Variants in PTPRD observed in about 807,000 individuals in gnomAD.
The protein encoded by PTPRD is receptor-type tyrosine-protein phosphatase delta.
PTPRD carries 34 observed loss-of-function variants against 214.5 expected under a neutral mutation model. The ratio of observed to expected loss-of-function variants is 0.16; its 90% confidence interval spans 0.12 to 0.21. The LOEUF (loss-of-function observed/expected upper bound fraction) is 0.21. Among genes scored for constraint, PTPRD ranks in the 10% least tolerant of loss-of-function variants. PTPRD has a pLI of 1.00. For synonymous variants in PTPRD, 1,128 were observed against 845.7 expected (o/e 1.33, Z -5.79); for missense variants, 2,545 against 2,398.7 (o/e 1.06, Z -1.27).
intron 23 of PTPRD, among the ~76,000 whole-genome samples, chr9:8,502,987 A>G (rs1053627429): frequency 2.6e-5 from 4 of 151,984 alleles, no homozygotes; most frequent in Non-Finnish European, 4.4e-5. Context: ...AATACTATTT[A>G]TTAGCCTGCC....
intron 3 of PTPRD, among the ~76,000 whole-genome samples, chr9:10,068,473 C>T (rs1436233338): frequency 1.3e-5 from 2 of 151,926 alleles, no homozygotes; most frequent in Non-Finnish European, 2.9e-5. Context: ...CTACACATTC[C>T]ATGCCCTTTC....
At chr9:9,024,540 C>A (rs916220086) in intron 10 of PTPRD, among the ~76,000 whole-genome samples, 4 of 151,616 alleles carry the variant, frequency 2.6e-5, no homozygotes, top group African/African-American at 9.7e-5. Context: ...ATCACTCCTA[C>A]AAGCAAGATA....
At chr9:9,492,455 C>T (rs113048885) in intron 8 of PTPRD, among the ~76,000 whole-genome samples, 2,401 of 152,002 alleles carry the variant, frequency 0.016, 69 homozygotes, top group African/African-American at 0.054. Flanking sequence ...TTATGTACCA[C>T]GACCAAAAAC....
At chr9:10,331,196 T>C (rs542248858) in intron 3 of PTPRD, among the ~76,000 whole-genome samples, 44 of 151,878 alleles carry the variant, frequency 2.9e-4, no homozygotes, top group Admixed American at 3.3e-4. Flanking sequence ...TCTCACCAAA[T>C]ACTGCCTAAC....
chr9:9,009,653 TA>T (rs2099499716), intron 11 of PTPRD, among the ~76,000 whole-genome samples: 2 of 152,156 alleles, frequency 1.3e-5, no homozygotes, highest in South Asian at 4.1e-4. Flanking sequence ...GTGTTAGAGT[TA>T]ATATAATTTA....
chr9:9,478,247 T>C (rs553150149), intron 8 of PTPRD, among the ~76,000 whole-genome samples: 2 of 152,164 alleles, frequency 1.3e-5, no homozygotes, highest in Admixed American at 1.3e-4. Context: ...ATTAACTGCA[T>C]GGGTATCAAA....
intron 4 of PTPRD, among the ~76,000 whole-genome samples, chr9:10,010,235 T>C (rs964072060): frequency 1.3e-5 from 2 of 151,914 alleles, no homozygotes; most frequent in African/African-American, 4.8e-5. Flanking sequence ...CACCATGACC[T>C]CAGGGCAAAG....
chr9:8,873,155 G>C (rs940031446), intron 11 of PTPRD, among the ~76,000 whole-genome samples: 7 of 152,264 alleles, frequency 4.6e-5, no homozygotes, highest in Admixed American at 4.6e-4. Context: ...CTGGAGGGCA[G>C]GGACTATGTC....
chr9:10,412,411 A>G (rs1327471287), intron 2 of PTPRD, among the ~76,000 whole-genome samples: 1 of 151,680 alleles, frequency 6.6e-6, no homozygotes, highest in Admixed American at 6.6e-5. Context: ...TCAAAACTGA[A>G]TCAGTAATAA....
intron 2 of PTPRD, among the ~76,000 whole-genome samples, chr9:10,513,214 C>G (rs146536291): frequency 1.6e-3 from 243 of 151,082 alleles, no homozygotes; most frequent in East Asian, 6.0e-3. Context: ...TTTAATGAAG[C>G]GTTTATTTTA....
intron 2 of PTPRD, among the ~76,000 whole-genome samples, chr9:10,479,055 T>C (rs1295049123): frequency 2.0e-5 from 3 of 152,104 alleles, no homozygotes; most frequent in African/African-American, 7.2e-5. Context: ...GAAGTTACAG[T>C]GTAATTAAGT....
At chr9:10,130,354 G>T (rs2098852943) in intron 3 of PTPRD, among the ~76,000 whole-genome samples, 1 of 151,948 alleles carries the variant, frequency 6.6e-6, no homozygotes, top group Non-Finnish European at 1.5e-5. Context: ...ATCAAAAATT[G>T]TGCCAAATTT....
intron 14 of PTPRD, among the ~76,000 whole-genome samples, chr9:8,573,893 T>C (rs969537967): frequency 3.3e-5 from 5 of 151,958 alleles, no homozygotes; most frequent in South Asian, 2.1e-4. Context: ...TTAGAATTCA[T>C]GTGTGCATAA....
At chr9:8,597,525 G>T (rs976548531) in intron 14 of PTPRD, among the ~76,000 whole-genome samples, 2 of 151,886 alleles carry the variant, frequency 1.3e-5, no homozygotes, top group African/African-American at 4.8e-5. Flanking sequence ...AAAAAAAGGA[G>T]AAAATATTTT....
chr9:8,878,263 A>T (rs1355646280), intron 11 of PTPRD, among the ~76,000 whole-genome samples: 1 of 152,168 alleles, frequency 6.6e-6, no homozygotes, highest in Non-Finnish European at 1.5e-5. Context: ...CCTTCTGTGT[A>T]ATTCTTCATT....
intron 14 of PTPRD, among the ~76,000 whole-genome samples, chr9:8,568,824 T>A (rs938443073): frequency 2.0e-5 from 3 of 152,046 alleles, no homozygotes; most frequent in South Asian, 2.1e-4. Context: ...AAAATGTCTA[T>A]AAGTGTTGGT....
chr9:9,410,861 G>A (rs2075163227), intron 8 of PTPRD, among the ~76,000 whole-genome samples: 1 of 152,146 alleles, frequency 6.6e-6, no homozygotes, highest in South Asian at 2.1e-4. Flanking sequence ...ACATGCAGCA[G>A]AACTCTGCGA....
In PTPRD at chr9:8,483,361, T is replaced by C. The variant is rs574770319; in HGVS notation, c.3413+758A>G. On this transcript the variant is annotated intron_variant, in intron 30 of 45. Transcript: ENST00000381196. ...AATTTCCCCCCCTTTTTTTCAACCT[T>C]TTAGTACTTTGTAAGACTTCTTCAT... 2.0e-5 allele frequency among the ~76,000 whole-genome samples: 3 copies of C among 152,324 alleles called. No homozygotes were observed. In the East Asian group the frequency reaches 5.8e-4, roughly 29 times the overall value.
intron 11 of PTPRD, among the ~76,000 whole-genome samples, chr9:8,929,693 A>G (rs1009708853): frequency 2.0e-5 from 2 of 99,244 alleles, no homozygotes; most frequent in Admixed American, 9.6e-5. Flanking sequence ...ATATATGTGT[A>G]TATATATATG....
Sources: gnomAD v4.1 joint callset for allele counts (sites outside exome capture counted in the v4.1 genomes callset) on GRCh38, gnomAD v4.1.1 for gene constraint, MANE v1.5 for transcripts, NCBI Gene and HGNC (gene_info 2026-07-23, HGNC 2026-07-21) for gene names.